Variants in ITGA8 observed in about 807,000 individuals in gnomAD.
The protein encoded by ITGA8 is integrin subunit alpha 8.
ITGA8 carries 91 observed loss-of-function variants against 142.3 expected under a neutral mutation model. The observed-to-expected ratio is 0.64, with a 90% CI of 0.54 to 0.76. ITGA8 has a LOEUF of 0.76. ITGA8 is among the 30% of genes least tolerant of loss of function. ITGA8 has a pLI of 0.00. For missense variants in ITGA8, 1,406 were observed against 1,327.7 expected, an observed-to-expected ratio of 1.06 and a Z score of -0.92; for synonymous variants, 505 against 485.2, an observed-to-expected ratio of 1.04 and a Z score of -0.54.
intron 21 of ITGA8, 26 bp downstream of exon 21, chr10:15,597,181 A>C (rs754679667): frequency 6.4e-7 from 1 of 1,552,748 alleles, no homozygotes; most frequent in South Asian, 1.1e-5. Flanking sequence ...GAAGGAAATC[A>C]GTCAGTATTT....
At chr10:15,683,937 T>G in intron 4 of ITGA8, 67 bp downstream of exon 4, 1 of 1,584,410 alleles carries the variant, frequency 6.3e-7, no homozygotes. Flanking sequence ...TGAGCCTACC[T>G]GCACTCCTGT....
chr10:15,558,141 G>C lies in ITGA8; in HGVS notation c.2699C>G (p.Pro900Arg), dbSNP rs180754486. 5 of 1,614,218 alleles carry C rather than the reference G, an allele frequency of 3.1e-6. No individual in the cohort carries two copies. In the Admixed American group the frequency reaches 8.3e-5, roughly 27 times the overall value. The change falls in exon 26 of 30, where the codon CCT becomes CGT. Residue 900 changes from proline to arginine, a missense_variant. Coordinates refer to ENST00000378076, the MANE Select transcript of ITGA8 (RefSeq NM_003638.3). The part of the protein sequence containing the change: ...LSAFLRNSTI[P>R]HLVRKRDVHV... The stretch of plus-strand genomic sequence containing the variant: ...TACATCCCTCTTCCTGACAAGATGA[G>C]GAATAGTAGAGTTTCGCAAAAAGGC...
At chr10:15,711,645 T>C (rs1286239389) in intron 2 of ITGA8, among the ~76,000 whole-genome samples, 1 of 151,984 alleles carries the variant, frequency 6.6e-6, no homozygotes, top group African/African-American at 2.4e-5. Flanking sequence ...GAAAGTTCCA[T>C]CAACCTCCCC....
chr10:15,717,068 G>T (rs1280591928), intron 2 of ITGA8, among the ~76,000 whole-genome samples: 1 of 152,180 alleles, frequency 6.6e-6, no homozygotes, highest in Admixed American at 6.5e-5. Flanking sequence ...GTTGGCCTAT[G>T]ACATCTATTG....
intron 20 of ITGA8, among the ~76,000 whole-genome samples, chr10:15,603,134 G>T (rs201663039): frequency 2.0e-5 from 3 of 151,272 alleles, no homozygotes; most frequent in East Asian, 3.9e-4. Context: ...TTAATTTTTT[G>T]TTTTTTACTA....
rs983960335 is a variant in ITGA8 at position 15,566,247 on chromosome 10, C to T, written c.2637+5964G>A. 3.3e-5 allele frequency among the ~76,000 whole-genome samples: 5 copies of T among 152,136 alleles called. No individual in the cohort carries two copies. The South Asian group carries it at 1.0e-3, about 31-fold the overall frequency. On this transcript the variant is annotated intron_variant, in intron 25 of 29. Coordinates refer to ENST00000378076, the MANE Select transcript of ITGA8 (RefSeq NM_003638.3). ...TTCAGGAGACATTCTCGGCGGCAAC[C>T]TCCAGCTTTCCACGGCTCTCACAGC...
intron 11 of ITGA8, among the ~76,000 whole-genome samples, chr10:15,651,085 G>T (rs1250267848): frequency 1.3e-5 from 2 of 151,868 alleles, no homozygotes; most frequent in South Asian, 4.2e-4. Context: ...GGCTCCTTTT[G>T]GTCCTGCAGA....
rs11253595 is a variant in ITGA8 at position 15,657,726 on chromosome 10, T to C, written c.948+1273A>G. Among the ~76,000 whole-genome samples the C allele has an allele frequency of 4.1e-3, 617 of 152,260 alleles. 3 individuals are homozygous for C. Among genetic ancestry groups the C allele is most frequent in the African/African-American group, 0.014 (587 of 41,540 alleles). Reference sequence around the variant, plus strand: ...TGTTTCTCCAGGCAATCGATTTTTCTCTCCTCTTCAAATTTAATTAACATG... The same window carrying C: ...TGTTTCTCCAGGCAATCGATTTTTCCCTCCTCTTCAAATTTAATTAACATG... On this transcript the variant is annotated intron_variant, in intron 10 of 29. Transcript: ENST00000378076.
At chr10:15,654,113 G>A (rs1021841268) in intron 11 of ITGA8, among the ~76,000 whole-genome samples, 1 of 152,184 alleles carries the variant, frequency 6.6e-6, no homozygotes, top group Non-Finnish European at 1.5e-5. Context: ...TGGGATTACA[G>A]GCGTGAGCTA....
intron 1 of ITGA8, 125 bp from the exon 2 acceptor site, chr10:15,719,024 T>C (rs1466175898): frequency 6.2e-5 from 87 of 1,395,318 alleles, no homozygotes; most frequent in Non-Finnish European, 8.3e-5. Flanking sequence ...GTATTTATGA[T>C]GAGGACCGAC....
intron 21 of ITGA8, chr10:15,596,732 C>T (rs1163054519): frequency 3.2e-5 from 5 of 156,126 alleles, no homozygotes; most frequent in Admixed American, 3.1e-4. Context: ...GACTTATCAG[C>T]ATCTTTAAAA....
At position 15,655,532 on chromosome 10, in the gene ITGA8, C is replaced by T. The variant is rs77711168; in HGVS notation, c.949-126G>A. The T allele has an allele frequency of 2.8e-3, 1,969 of 712,982 alleles. 34 individuals carry two copies. The highest frequency in any genetic ancestry group is 0.027 in the East Asian group (1,000 of 36,648). The allele number at this position is 712,982 out of a possible 1,614,324, so 44.2% of individuals were successfully genotyped here. A position where few individuals can be genotyped will look rare whatever the true frequency, so the allele number is the denominator to read the frequency against. ...TTTGCATTGAAATTCATAGATTCTT[C>T]GAAGTGGCCAGGGTCTTTTTGCCTC... On this transcript the variant is annotated intron_variant, in intron 10 of 29. Transcript: ENST00000378076.
rs111245810 is a variant in ITGA8, at chr10:15,586,216, G to A, written c.2372+368C>T. Among the ~76,000 whole-genome samples, 954 of 151,728 alleles carry A rather than the reference G, an allele frequency of 6.3e-3. 3 individuals are homozygous for A. Among genetic ancestry groups the A allele is most frequent in the Non-Finnish European group, 8.8e-3 (597 of 67,926 alleles). On this transcript the variant is annotated intron_variant, in intron 23 of 29. Transcript: ENST00000378076. ...TGGGATTACAGGTACCCACAACCAC[G>A]CCTGGCTAATTTTTGTATTTTTAGG...
intron 2 of ITGA8, among the ~76,000 whole-genome samples, chr10:15,713,582 G>T (rs565675298): frequency 6.6e-6 from 1 of 151,752 alleles, no homozygotes; most frequent in Non-Finnish European, 1.5e-5. Context: ...ATTTCTTTCC[G>T]GGGAAACTAG....
intron 28 of ITGA8, among the ~76,000 whole-genome samples, chr10:15,530,668 G>A (rs1237924221): frequency 1.3e-5 from 2 of 151,834 alleles, no homozygotes; most frequent in South Asian, 2.1e-4. Flanking sequence ...AAAGCCATGC[G>A]GCTGCTCCGT....
intron 2 of ITGA8, among the ~76,000 whole-genome samples, chr10:15,706,785 T>TA (rs1214426205): frequency 2.6e-5 from 4 of 152,114 alleles, no homozygotes; most frequent in Admixed American, 2.6e-4. Flanking sequence ...GTTACTTCCT[T>TA]ACTCAAAACC....
intron 8 of ITGA8, among the ~76,000 whole-genome samples, chr10:15,667,788 T>A (rs1834425274): frequency 6.6e-6 from 1 of 152,166 alleles, no homozygotes; most frequent in African/African-American, 2.4e-5. Context: ...CCAGTAGTCA[T>A]TCAGGAGCAG....
intron 6 of ITGA8, among the ~76,000 whole-genome samples, chr10:15,673,166 C>T (rs1834561731): frequency 6.6e-6 from 1 of 152,178 alleles, no homozygotes; most frequent in African/African-American, 2.4e-5. Context: ...TCACTGCAAC[C>T]TCTGTCTCCC....
Position 15,514,618 on chromosome 10 carries a change from G to A in ITGA8, c.*2540C>T, listed in dbSNP as rs1222986799. ...GGGTTTTGCCACGTTGGCCAGGCTG[G>A]TCTTGAACTCCTGAACTCAGGTGAT... On this transcript the variant is annotated 3_prime_UTR_variant, in exon 30 of 30. Transcript: ENST00000378076. 1 of 152,244 alleles carries A rather than the reference G, an allele frequency of 6.6e-6. No homozygotes were observed. The highest frequency in any genetic ancestry group is 1.9e-4 in the East Asian group (1 of 5,190). The allele number at this position is 152,244 out of a possible 1,614,324, so 9.4% of individuals were successfully genotyped here.
Sources: allele counts gnomAD v4.1 joint callset (sites outside exome capture counted in the v4.1 genomes callset), GRCh38; gene constraint gnomAD v4.1.1; transcripts MANE v1.5; gene names NCBI Gene and HGNC (gene_info 2026-07-23, HGNC 2026-07-21).